Variants in AR observed in about 807,000 individuals in gnomAD.
AR encodes androgen receptor.
In AR, 8 loss-of-function variants were observed where a neutral mutation model predicts 53.9. That is an observed-to-expected ratio of 0.15 (90% CI 0.09 to 0.27). The LOEUF is 0.27. Ranked by LOEUF, AR falls within the 10% of genes least tolerant of loss-of-function variation. AR has a pLI of 1.00. For missense variants in AR, 639 were observed against 742.5 expected (o/e 0.86, Z 1.62); for synonymous variants, 359 against 316.4 (o/e 1.13, Z -1.43).
intron 2 of AR, among the ~76,000 whole-genome samples, chrX:67,661,352 G>C (rs1411568707): frequency 1.8e-5 from 2 of 111,048 alleles, no homozygotes; most frequent in African/African-American, 6.6e-5. Context: ...CTGTGGGTTT[G>C]TCATAGATAG....
intron 2 of AR, among the ~76,000 whole-genome samples, chrX:67,669,076 A>G (rs1334595126): frequency 9.1e-6 from 1 of 109,864 alleles, no homozygotes; most frequent in African/African-American, 3.3e-5. Flanking sequence ...TTATCATTTC[A>G]TTTCTTCCAG....
chrX:67,675,713 G>A (rs1041622336), intron 2 of AR, among the ~76,000 whole-genome samples: 2 of 111,771 alleles, frequency 1.8e-5, no homozygotes, highest in Non-Finnish European at 3.8e-5. Flanking sequence ...TACCCTTTTC[G>A]GTGCTTCTTT....
intron 3 of AR, chrX:67,694,814 AGGTTTTT>A: frequency 8.9e-7 from 1 of 1,119,031 alleles, no homozygotes; most frequent in South Asian, 2.1e-5. Flanking sequence ...TTAGGAGCTT[AGGTTTTT>A]GCTCCTCAAC....
chrX:67,617,373 T>G lies in AR; in HGVS notation c.1617-25883T>G, dbSNP rs189749354. On this transcript the variant is annotated intron_variant, in intron 1 of 7. Coordinates refer to ENST00000374690, the MANE Select transcript of AR (RefSeq NM_000044.6). ...CTTTGTTTAACTTGTTTGTACTACATCCTCAGTCTAATGGTGTCTGGCTTA... is the reference window on the plus strand; with the variant it reads ...CTTTGTTTAACTTGTTTGTACTACAGCCTCAGTCTAATGGTGTCTGGCTTA... Among the ~76,000 whole-genome samples, 22 of 111,931 alleles carry G rather than the reference T, an allele frequency of 2.0e-4. No homozygotes were observed. In the East Asian group the frequency reaches 5.7e-3, roughly 29 times the overall value.
At chrX:67,562,518 G>T (rs1412008200) in intron 1 of AR, among the ~76,000 whole-genome samples, 1 of 111,470 alleles carries the variant, frequency 9.0e-6, no homozygotes, top group Non-Finnish European at 1.9e-5. Context: ...CCAGCTGTAG[G>T]TGAAAAGCAG....
At chrX:67,685,531 A>T (rs1569305607) in intron 2 of AR, among the ~76,000 whole-genome samples, 1 of 111,555 alleles carries the variant, frequency 9.0e-6, no homozygotes, top group Non-Finnish European at 1.9e-5. Flanking sequence ...CTTTTGTAGA[A>T]ATTTTCCTCT....
rs201252311 is a variant in AR, at chrX:67,626,610, T to TTATATATA, written c.1617-16628_1617-16621dup. On this transcript the variant is annotated intron_variant, in intron 1 of 7. Transcript: ENST00000374690. ...CACCCGCCACCATGCCCGACTAATT[T>TTATATATA]TATATATATATATATATATATATAT... 4.1e-3 allele frequency among the ~76,000 whole-genome samples: 348 copies of TTATATATA among 85,126 alleles called. 2 individuals carry two copies. Among genetic ancestry groups the TTATATATA allele is most frequent in the African/African-American group, 0.013 (312 of 23,141 alleles). The allele number at this position is 85,126 out of a possible 115,157, so 73.9% of individuals were successfully genotyped here.
intron 1 of AR, among the ~76,000 whole-genome samples, chrX:67,573,152 A>T (rs1226057952): frequency 9.0e-6 from 1 of 111,408 alleles, no homozygotes; most frequent in Non-Finnish European, 1.9e-5. Flanking sequence ...GCTCCCTAAG[A>T]TTAACCATTC....
chrX:67,651,300 G>A lies in AR; in HGVS notation c.1768+7893G>A, dbSNP rs368281324. ...CTGACCTCGTGATCCACCCACCTCAGCCTCCCAAAGTGCTGGGATTACAGG... is the reference window on the plus strand; with the variant it reads ...CTGACCTCGTGATCCACCCACCTCAACCTCCCAAAGTGCTGGGATTACAGG... On this transcript the variant is annotated intron_variant, in intron 2 of 7. Coordinates refer to ENST00000374690, the MANE Select transcript of AR (RefSeq NM_000044.6). Among the ~76,000 whole-genome samples the A allele has an allele frequency of 2.1e-3, 226 of 108,145 alleles. No homozygotes were observed. The South Asian group carries it at 0.024, about 12-fold the overall frequency. The allele number at this position is 108,145 out of a possible 115,157, so 93.9% of individuals were successfully genotyped here.
intron 2 of AR, among the ~76,000 whole-genome samples, chrX:67,654,579 CTT>C (rs1175829519): frequency 9.1e-6 from 1 of 109,695 alleles, no homozygotes; most frequent in Non-Finnish European, 1.9e-5. Context: ...CTCTGTGTAT[CTT>C]TGTCCCCAAC....
rs1224227095 is a variant in AR, at chrX:67,545,881, G to A, written c.735G>A (p.Val245=). ...NAKELCKAVS[V]SMGLGVEALE... ...AGGAGTTGTGTAAGGCAGTGTCGGT[G>A]TCCATGGGCCTGGGTGTGGAGGCGT... Residue 245 remains valine, a synonymous_variant, in exon 1 of 8, where the codon GTG becomes GTA. Transcript: ENST00000374690. The A allele has an allele frequency of 8.3e-7, 1 of 1,210,735 alleles. No individual in the cohort carries two copies.
chrX:67,631,777 CT>C (rs1474467494), intron 1 of AR, among the ~76,000 whole-genome samples: 1 of 112,266 alleles, frequency 8.9e-6, no homozygotes, highest in African/African-American at 3.2e-5. Context: ...GTTTTATCTA[CT>C]TTTGGTGTTT....
intron 3 of AR, among the ~76,000 whole-genome samples, chrX:67,688,733 G>A (rs1189053698): frequency 9.0e-6 from 1 of 111,617 alleles, no homozygotes; most frequent in African/African-American, 3.3e-5. Flanking sequence ...TGCTTGAAGA[G>A]CAAATCTTTC....
At chrX:67,631,784 T>C (rs1925138423) in intron 1 of AR, among the ~76,000 whole-genome samples, 1 of 112,274 alleles carries the variant, frequency 8.9e-6, no homozygotes, top group African/African-American at 3.2e-5. Flanking sequence ...CTACTTTTGG[T>C]GTTTGATGAT....
At chrX:67,637,539 G>A (rs928463477) in intron 1 of AR, among the ~76,000 whole-genome samples, 5 of 108,537 alleles carry the variant, frequency 4.6e-5, no homozygotes, top group East Asian at 3.0e-4. Flanking sequence ...AGTATTCCAC[G>A]GTGTATATGT....
At chrX:67,562,532 AT>A (rs1202944316) in intron 1 of AR, among the ~76,000 whole-genome samples, 2 of 111,771 alleles carry the variant, frequency 1.8e-5, no homozygotes, top group African/African-American at 6.5e-5. Context: ...AAAGCAGCTG[AT>A]CCTCTGGATG....
intron 1 of AR, among the ~76,000 whole-genome samples, chrX:67,566,987 A>C: frequency 9.0e-6 from 1 of 111,404 alleles, no homozygotes; most frequent in Middle Eastern, 4.6e-3. Context: ...TAGTATAGTA[A>C]CTTGGTAGTT....
intron 1 of AR, among the ~76,000 whole-genome samples, chrX:67,621,817 G>T (rs1924392879): frequency 9.0e-6 from 1 of 111,731 alleles, no homozygotes; most frequent in Non-Finnish European, 1.9e-5. Flanking sequence ...GAAGTTCAAT[G>T]TGCAGCCAAG....
At position 67,726,358 on chromosome X, in the gene AR, T is replaced by G. The variant is rs1298515026; in HGVS notation, c.*2517T>G. 1 of 173,504 alleles carries G rather than the reference T, an allele frequency of 5.8e-6. No homozygotes were observed. The highest frequency in any genetic ancestry group is 2.9e-5 in the African/African-American group (1 of 33,948). 14.3% of individuals were successfully genotyped at this position (173,504 alleles called of 1,213,427 possible). A position where few individuals can be genotyped will look rare whatever the true frequency, so the allele number is the denominator to read the frequency against. On this transcript the variant is annotated 3_prime_UTR_variant, in exon 8 of 8. Coordinates refer to ENST00000374690, the MANE Select transcript of AR (RefSeq NM_000044.6). ...CTTTTCAGTTACACTAGGTTACATT[T>G]TAATAGGTCCTTTACATCTGTTTTG...
Sources: gnomAD v4.1 joint callset for allele counts (sites outside exome capture counted in the v4.1 genomes callset) on GRCh38, gnomAD v4.1.1 for gene constraint, MANE v1.5 for transcripts, NCBI Gene and HGNC (gene_info 2026-07-23, HGNC 2026-07-21) for gene names.